Variants in RAPH1 observed in about 807,000 individuals in gnomAD.
RAPH1 encodes Ras association (RalGDS/AF-6) and pleckstrin homology domains 1, also known as ras-associated and pleckstrin homology domains-containing protein 1.
A neutral mutation model predicts 88.1 loss-of-function variants in RAPH1; 18 were observed. The observed-to-expected ratio is 0.20, with a 90% CI of 0.14 to 0.30. The LOEUF (loss-of-function observed/expected upper bound fraction) is 0.30, where lower values mean the gene tolerates loss of function less well. Ranked by LOEUF, RAPH1 falls within the 10% of genes least tolerant of loss-of-function variation. The pLI, the probability that RAPH1 is intolerant of heterozygous loss-of-function variation, is 1.00. For synonymous variants in RAPH1, 587 were observed against 559.0 expected (o/e 1.05, Z -0.71); for missense variants, 1,448 against 1,543.2 (o/e 0.94, Z 1.03).
At chr2:203,484,363 C>T (rs181747295) in intron 4 of RAPH1, among the ~76,000 whole-genome samples, 71 of 152,220 alleles carry the variant, frequency 4.7e-4, no homozygotes, top group African/African-American at 1.6e-3. Flanking sequence ...CTATTTTGGG[C>T]CAGATAATTA....
Position 203,524,265 on chromosome 2 carries a change from G to C in RAPH1, c.-1+10846C>G, listed in dbSNP as rs1010291107. Among the ~76,000 whole-genome samples, 155 of 152,250 alleles carry C rather than the reference G, an allele frequency of 1.0e-3. 1 individual carries two copies. Among genetic ancestry groups the C allele is most frequent in the Admixed American group, 1.4e-3 (22 of 15,284 alleles). On this transcript the variant is annotated intron_variant, in intron 1 of 13. Coordinates refer to ENST00000319170, the MANE Select transcript of RAPH1 (RefSeq NM_213589.3). ...CATTACATACCCATTAAAATGGCTA[G>C]AATGAGAAAGACTGACAATACCAAG...
intron 12 of RAPH1, chr2:203,445,265 T>A (rs1028054677): frequency 3.7e-5 from 14 of 373,694 alleles, no homozygotes; most frequent in Non-Finnish European, 6.7e-5. Flanking sequence ...ATGATTCACA[T>A]AACATTATTG....
At chr2:203,489,369 G>A (rs1246119589) in intron 4 of RAPH1, among the ~76,000 whole-genome samples, 1 of 151,980 alleles carries the variant, frequency 6.6e-6, no homozygotes, top group African/African-American at 2.4e-5. Context: ...CTATAGTCAC[G>A]AGAATAAAAA....
chr2:203,509,278 C>G (rs1270352396), intron 1 of RAPH1, among the ~76,000 whole-genome samples: 1 of 151,878 alleles, frequency 6.6e-6, no homozygotes, highest in African/African-American at 2.4e-5. Flanking sequence ...CCATGTTGTT[C>G]TCAAACCCCT....
At chr2:203,501,900 C>A (rs140160190) in intron 1 of RAPH1, among the ~76,000 whole-genome samples, 21 of 151,996 alleles carry the variant, frequency 1.4e-4, no homozygotes, top group Middle Eastern at 3.4e-3. Flanking sequence ...GAGAACAGGG[C>A]TCCCTGCAGC....
rs1178557385 is a variant in RAPH1, at chr2:203,439,949, C to G, written c.3241G>C (p.Glu1081Gln). The change falls in exon 14 of 14, where the codon GAG (glutamate) becomes CAG (glutamine). Residue 1081 changes from glutamate to glutamine, a missense_variant. Glu to Gln is a conservative substitution (Grantham distance 29). Coordinates refer to ENST00000319170, the MANE Select transcript of RAPH1 (RefSeq NM_213589.3). Reference sequence around the variant, plus strand: ...ATCTCAATGGGGGGCAGAGGAAGCTCTGTTTCAGGTGGAGGGGGTGGAAAA... The same window carrying G: ...ATCTCAATGGGGGGCAGAGGAAGCTGTGTTTCAGGTGGAGGGGGTGGAAAA... ...SDFPPPPPET[E>Q]LPLPPIEIPA... is the part of the protein sequence containing the mutation. 2.5e-6 allele frequency: 4 copies of G among 1,613,588 alleles called. No homozygotes were observed. Among genetic ancestry groups the G allele is most frequent in the Non-Finnish European group, 3.4e-6 (4 of 1,179,974 alleles).
intron 4 of RAPH1, chr2:203,476,984 C>T (rs1036779655): frequency 1.0e-5 from 9 of 894,110 alleles, no homozygotes; most frequent in East Asian, 5.0e-5. Context: ...ATTTGAAAAA[C>T]TGAAGTTATA....
rs1482840411 is a variant in RAPH1 at position 203,485,428 on chromosome 2, AAAG to A, written c.732+4153_732+4155del. ...TCTGTCTCAAAAAAAAAAAAAAAAAAAAGAGTTACACTGCACACCACGAAGTCA... is the reference window on the plus strand; with the variant it reads ...TCTGTCTCAAAAAAAAAAAAAAAAAAAGTTACACTGCACACCACGAAGTCA... On this transcript the variant is annotated intron_variant, in intron 4 of 13. Transcript: ENST00000319170. Among the ~76,000 whole-genome samples the A allele has an allele frequency of 1.2e-4, 18 of 151,754 alleles. No individual in the cohort carries two copies. In the South Asian group the frequency reaches 1.9e-3, roughly 16 times the overall value.
intron 4 of RAPH1, among the ~76,000 whole-genome samples, chr2:203,472,001 A>G (rs1482374430): frequency 1.3e-5 from 2 of 152,242 alleles, no homozygotes; most frequent in African/African-American, 4.8e-5. Context: ...CTAGGTAAGT[A>G]GTAATTTCTG....
intron 1 of RAPH1, among the ~76,000 whole-genome samples, chr2:203,524,304 A>G (rs1290771748): frequency 1.3e-5 from 2 of 152,216 alleles, no homozygotes; most frequent in African/African-American, 4.8e-5. Flanking sequence ...TAGGATATAC[A>G]CCAAGTGTCA....
At chr2:203,467,640 G>C (rs939024097) in intron 4 of RAPH1, among the ~76,000 whole-genome samples, 1 of 151,956 alleles carries the variant, frequency 6.6e-6, no homozygotes, top group Non-Finnish European at 1.5e-5. Flanking sequence ...ATATACAGGA[G>C]GACTTTTCAT....
chr2:203,489,953 C>A lies in RAPH1; in HGVS notation c.363G>T (p.Leu121Phe), dbSNP rs924357002. The A allele has an allele frequency of 1.2e-6, 2 of 1,614,076 alleles. No homozygotes were observed. Among genetic ancestry groups the A allele is most frequent in the African/African-American group, 1.3e-5 (1 of 74,926 alleles). Residue 121 changes from leucine (L) to phenylalanine (F), a missense_variant, in exon 4 of 14, where the codon TTG becomes TTT. Around this residue, in one of 2 missense-constraint regions of RAPH1, gnomAD observed 513 missense variants for 653.1 expected, o/e 0.79. Transcript: ENST00000319170. ...GTTTCAATGTATGTCGGCTAACAGG[C>A]AATTTCTGAGTAGCTTTCGTTTCTG... ...QITETKATQK[L>F]PVSRHTLKHG...
chr2:203,499,444 G>A (rs772867303), intron 1 of RAPH1, among the ~76,000 whole-genome samples: 8 of 151,812 alleles, frequency 5.3e-5, no homozygotes, highest in Non-Finnish European at 1.2e-4. Context: ...AAAACTGGCC[G>A]GGTGCAGTGG....
intron 1 of RAPH1, among the ~76,000 whole-genome samples, chr2:203,505,313 C>T (rs1489918920): frequency 6.6e-6 from 1 of 152,164 alleles, no homozygotes; most frequent in Non-Finnish European, 1.5e-5. Context: ...GCACTTCTTA[C>T]ATGGCGGTGG....
intron 4 of RAPH1, among the ~76,000 whole-genome samples, 178 bp from the exon 5 acceptor site, chr2:203,462,103 T>C (rs1231879757): frequency 2.0e-5 from 3 of 152,226 alleles, no homozygotes; most frequent in Admixed American, 1.3e-4. Flanking sequence ...AAACATTTTA[T>C]AGATGCAGAC....
At position 203,461,411 on chromosome 2, in the gene RAPH1, A is replaced by G. The variant is rs748969226; in HGVS notation, c.811-3T>C. On this transcript the variant is annotated splice_region_variant and splice_polypyrimidine_tract_variant and intron_variant, in intron 5 of 13. Coordinates refer to ENST00000319170, the MANE Select transcript of RAPH1 (RefSeq NM_213589.3). ...GACATGTGGACTCTGATCACCAGCT[A>G]TAACAGGTAAAAAGAAAAGTAAATG... 2.6e-5 allele frequency: 42 copies of G among 1,589,804 alleles called. No homozygotes were observed. Among genetic ancestry groups the G allele is most frequent in the Admixed American group, 2.1e-4 (12 of 56,422 alleles).
rs568235955 is a variant in RAPH1 at position 203,531,938 on chromosome 2, T to A, written c.-1+3173A>T. Among the ~76,000 whole-genome samples the A allele has an allele frequency of 2.0e-5, 3 of 152,280 alleles. No individual in the cohort carries two copies. In the South Asian group the frequency reaches 6.2e-4, roughly 32 times the overall value. ...CCGAAAGGAGGGATTCAAACAGTTG[T>A]ATACCAATACTCAAGGCAGCATTAT... On this transcript the variant is annotated intron_variant, in intron 1 of 13. Coordinates refer to ENST00000319170, the MANE Select transcript of RAPH1 (RefSeq NM_213589.3).
In RAPH1 at chr2:203,482,426, T is replaced by C. The variant is rs542513373; in HGVS notation, c.732+7158A>G. Among the ~76,000 whole-genome samples, 23 of 152,344 alleles carry C rather than the reference T, an allele frequency of 1.5e-4. No homozygotes were observed. The East Asian group carries it at 4.4e-3, about 29-fold the overall frequency. ...GTCTGATACTCATGACCTCAGGTGA[T>C]CCGCCTGCCTTGGCCTCCCAAAGTG... On this transcript the variant is annotated intron_variant, in intron 4 of 13. Coordinates refer to ENST00000319170, the MANE Select transcript of RAPH1 (RefSeq NM_213589.3).
rs1476182844 is a variant in RAPH1, at chr2:203,435,575, A to G, written c.*3862T>C. 1 of 152,148 alleles carries G rather than the reference A, an allele frequency of 6.6e-6. No homozygotes were observed. The highest frequency in any genetic ancestry group is 2.4e-5 in the African/African-American group (1 of 41,426). The allele number at this position is 152,148 out of a possible 1,614,324, so 9.4% of individuals were successfully genotyped here. On this transcript the variant is annotated 3_prime_UTR_variant, in exon 14 of 14. Transcript: ENST00000319170. Reference sequence around the variant, plus strand: ...ATCTAAAGGGTTTTCTTCCCCTAGAAACAGTCACCCTCTCGTCAAGTGTAT... The same window carrying G: ...ATCTAAAGGGTTTTCTTCCCCTAGAGACAGTCACCCTCTCGTCAAGTGTAT...
Sources: gnomAD v4.1 joint callset for allele counts (sites outside exome capture counted in the v4.1 genomes callset) on GRCh38, gnomAD v4.1.1 for gene constraint, gnomAD v4.1.1 regional missense constraint, MANE v1.5 for transcripts, NCBI Gene and HGNC (gene_info 2026-07-23, HGNC 2026-07-21) for gene names.